Variants in FBXL17 observed in about 807,000 individuals in gnomAD.
The protein encoded by FBXL17 is F-box/LRR-repeat protein 17.
A neutral mutation model predicts 66.2 loss-of-function variants in FBXL17; 22 were observed. That is an observed-to-expected ratio of 0.33 (90% CI 0.24 to 0.47). The LOEUF (loss-of-function observed/expected upper bound fraction) is 0.47. Ranked by LOEUF, FBXL17 falls within the 20% of genes least tolerant of loss-of-function variation. The probability of loss-of-function intolerance (pLI) is 1.00; values close to 1 mark genes in which losing one functional copy is unlikely to be tolerated. For synonymous variants in FBXL17, 474 were observed against 400.5 expected (o/e 1.18, Z -2.19); for missense variants, 878 against 948.2 (o/e 0.93, Z 0.97).
In FBXL17 at chr5:108,375,135, C is replaced by T. The variant is rs540317930; in HGVS notation, c.993+5564G>A. 3.3e-5 allele frequency among the ~76,000 whole-genome samples: 5 copies of T among 152,226 alleles called. No homozygotes were observed. In the East Asian group the frequency reaches 9.7e-4, roughly 29 times the overall value. On this transcript the variant is annotated intron_variant, in intron 1 of 8. Coordinates refer to ENST00000542267, the MANE Select transcript of FBXL17 (RefSeq NM_001163315.3). Reference sequence around the variant, plus strand: ...TTGGGAAGCCAAAGTGGGAGGACTGCTTGAAGCCAGGAGTTTGAGACCAGC... The same window carrying T: ...TTGGGAAGCCAAAGTGGGAGGACTGTTTGAAGCCAGGAGTTTGAGACCAGC...
At chr5:108,222,657 T>C (rs976179940) in intron 5 of FBXL17, among the ~76,000 whole-genome samples, 5 of 149,890 alleles carry the variant, frequency 3.3e-5, no homozygotes, top group African/African-American at 1.2e-4. Context: ...TCTAGCAATT[T>C]AGATACTATG....
intron 7 of FBXL17, among the ~76,000 whole-genome samples, chr5:107,964,506 C>G (rs1406463578): frequency 6.6e-6 from 1 of 152,046 alleles, no homozygotes; most frequent in Non-Finnish European, 1.5e-5. Flanking sequence ...CATAACTACA[C>G]AAGATAAAAA....
chr5:108,120,371 T>C (rs1425156037), intron 6 of FBXL17, among the ~76,000 whole-genome samples: 5 of 152,158 alleles, frequency 3.3e-5, no homozygotes, highest in African/African-American at 1.2e-4. Context: ...AACTAAGATA[T>C]TTCATAGAAA....
chr5:108,019,209 T>A (rs1215554729), intron 7 of FBXL17, among the ~76,000 whole-genome samples: 1 of 152,124 alleles, frequency 6.6e-6, no homozygotes, highest in East Asian at 1.9e-4. Flanking sequence ...ATTTTACAAC[T>A]GAGGAAATGG....
chr5:107,945,116 C>G (rs559774012), intron 7 of FBXL17, among the ~76,000 whole-genome samples: 1 of 152,046 alleles, frequency 6.6e-6, no homozygotes, highest in East Asian at 1.9e-4. Flanking sequence ...AATGGACAAT[C>G]TAAAATATGA....
chr5:107,902,340 G>A (rs1034468380), intron 7 of FBXL17, among the ~76,000 whole-genome samples: 21 of 152,202 alleles, frequency 1.4e-4, no homozygotes, highest in Non-Finnish European at 2.8e-4. Flanking sequence ...TCTCTGAAAT[G>A]ATTTAATTTA....
At chr5:108,111,489 G>C (rs1374244497) in intron 6 of FBXL17, among the ~76,000 whole-genome samples, 1 of 152,128 alleles carries the variant, frequency 6.6e-6, no homozygotes, top group Non-Finnish European at 1.5e-5. Context: ...TGGGAACTAA[G>C]AGAAAAGGCT....
chr5:108,078,387 A>C (rs1053665562), intron 6 of FBXL17, among the ~76,000 whole-genome samples: 1 of 152,234 alleles, frequency 6.6e-6, no homozygotes, highest in African/African-American at 2.4e-5. Context: ...TTAAAGTTTC[A>C]AAGTGGGAAC....
intron 6 of FBXL17, among the ~76,000 whole-genome samples, chr5:108,115,882 G>A (rs940822311): frequency 6.6e-6 from 1 of 152,146 alleles, no homozygotes; most frequent in African/African-American, 2.4e-5. Context: ...AAAAGCTGAG[G>A]CAGTCAAGGC....
chr5:108,053,774 G>A lies in FBXL17; in HGVS notation c.1746-32773C>T, dbSNP rs535974997. On this transcript the variant is annotated intron_variant, in intron 6 of 8. Coordinates refer to ENST00000542267, the MANE Select transcript of FBXL17 (RefSeq NM_001163315.3). The stretch of plus-strand genomic sequence containing the variant: ...TCCCATTAATGGGTATATACCCAAA[G>A]GAATATACATCATTCTACTATAAAG... 3.9e-5 allele frequency among the ~76,000 whole-genome samples: 6 copies of A among 152,194 alleles called. No individual in the cohort carries two copies. The East Asian group carries it at 1.2e-3, about 29-fold the overall frequency.
At chr5:108,303,393 C>CAT (rs774142484) in intron 4 of FBXL17, among the ~76,000 whole-genome samples, 1 of 149,324 alleles carries the variant, frequency 6.7e-6, no homozygotes, top group African/African-American at 2.5e-5. Flanking sequence ...CACACACACA[C>CAT]ACATACCCAC....
chr5:108,118,363 G>A (rs1750346425), intron 6 of FBXL17, among the ~76,000 whole-genome samples: 1 of 152,136 alleles, frequency 6.6e-6, no homozygotes, highest in Non-Finnish European at 1.5e-5. Flanking sequence ...TGTTTGTGCT[G>A]CAACTTTCCA....
intron 6 of FBXL17, among the ~76,000 whole-genome samples, chr5:108,075,973 A>T (rs288237): frequency 0.2 from 30,872 of 152,204 alleles, 3,500 homozygotes; most frequent in South Asian, 0.47. Flanking sequence ...AAATGATCCC[A>T]AATGTTTTTC....
At chr5:108,150,784 C>T (rs903968485) in intron 6 of FBXL17, among the ~76,000 whole-genome samples, 1 of 152,156 alleles carries the variant, frequency 6.6e-6, no homozygotes, top group Non-Finnish European at 1.5e-5. Context: ...CACATAATAA[C>T]GATTTTCCGC....
chr5:107,999,452 A>AACAC (rs55900474), intron 7 of FBXL17, among the ~76,000 whole-genome samples: 19,283 of 144,350 alleles, frequency 0.13, 1,439 homozygotes, highest in East Asian at 0.22. Flanking sequence ...TTTTGTCAGA[A>AACAC]ACACACACAC....
intron 3 of FBXL17, among the ~76,000 whole-genome samples, chr5:108,351,287 A>AT (rs759466256): frequency 3.5e-4 from 53 of 152,222 alleles, no homozygotes; most frequent in Admixed American, 1.4e-3. Context: ...GGAAGGAAGT[A>AT]TAAGTGAGCT....
intron 7 of FBXL17, among the ~76,000 whole-genome samples, chr5:107,884,287 C>T (rs1326323321): frequency 6.6e-6 from 1 of 152,164 alleles, no homozygotes; most frequent in East Asian, 1.9e-4. Context: ...GATGAAGTTA[C>T]TCTTAATTCT....
intron 4 of FBXL17, among the ~76,000 whole-genome samples, chr5:108,332,477 A>G (rs1184212151): frequency 2.0e-5 from 3 of 152,202 alleles, no homozygotes; most frequent in African/African-American, 7.2e-5. Context: ...AGATTAAAAG[A>G]AGGATTATAG....
intron 5 of FBXL17, among the ~76,000 whole-genome samples, chr5:108,208,737 G>C (rs1489184074): frequency 1.3e-5 from 2 of 152,166 alleles, no homozygotes; most frequent in Non-Finnish European, 2.9e-5. Context: ...TTTGCAGTCA[G>C]GTAGCATGAT....
Sources: allele counts gnomAD v4.1 joint callset (sites outside exome capture counted in the v4.1 genomes callset), GRCh38; gene constraint gnomAD v4.1.1; transcripts MANE v1.5; gene names NCBI Gene and HGNC (gene_info 2026-07-23, HGNC 2026-07-21).